The following ST6GALNAC5 variants were observed in gnomAD, a reference collection of about 807,000 sequenced individuals.
ST6GALNAC5 encodes the protein ST6 N-acetylgalactosaminide alpha-2,6-sialyltransferase 5.
In ST6GALNAC5, 27 loss-of-function variants were observed where a neutral mutation model predicts 33.6. The observed-to-expected ratio is 0.80, with a 90% CI of 0.59 to 1.11. The LOEUF is 1.11. Ranked by LOEUF, ST6GALNAC5 falls within the 50% of genes least tolerant of loss-of-function variation. The pLI is 0.00. For missense variants in ST6GALNAC5, 428 were observed against 454.0 expected, an observed-to-expected ratio of 0.94 and a Z score of 0.52; for synonymous variants, 194 against 171.2, an observed-to-expected ratio of 1.13 and a Z score of -1.04.
chr1:76,867,531 C>A lies in ST6GALNAC5; in HGVS notation c.-145C>A. ...CAACAGCCGCGCTTCCCGGGTCCCGCGGCTCCCGCGCGCGATCTGCCGCGG... is the reference window on the plus strand; with the variant it reads ...CAACAGCCGCGCTTCCCGGGTCCCGAGGCTCCCGCGCGCGATCTGCCGCGG... On this transcript the variant is annotated 5_prime_UTR_variant, in exon 1 of 5. Coordinates refer to ENST00000477717, the MANE Select transcript of ST6GALNAC5 (RefSeq NM_030965.3). 7.8e-7 allele frequency: 1 copy of A among 1,279,232 alleles called. No individual in the cohort carries two copies. The highest frequency in any genetic ancestry group is 1.1e-6 in the Non-Finnish European group (1 of 879,296). 79.2% of individuals were successfully genotyped at this position (1,279,232 alleles called of 1,614,324 possible). A position where few individuals can be genotyped will look rare whatever the true frequency, so the allele number is the denominator to read the frequency against.
intron 2 of ST6GALNAC5, among the ~76,000 whole-genome samples, chr1:76,898,282 G>T (rs2100261337): frequency 6.6e-6 from 1 of 152,298 alleles, no homozygotes; most frequent in Admixed American, 6.5e-5. Context: ...GGCAGCTGCG[G>T]TTCAGGCCTT....
intron 2 of ST6GALNAC5, among the ~76,000 whole-genome samples, chr1:76,991,857 A>G (rs1347010940): frequency 6.6e-6 from 1 of 152,112 alleles, no homozygotes; most frequent in African/African-American, 2.4e-5. Context: ...ACACACACAC[A>G]CACACACAGA....
intron 2 of ST6GALNAC5, among the ~76,000 whole-genome samples, chr1:76,954,771 C>T (rs1397318646): frequency 1.3e-5 from 2 of 152,088 alleles, no homozygotes; most frequent in Non-Finnish European, 2.9e-5. Context: ...AATTGGGTGG[C>T]CAGGAAGCTT....
intron 2 of ST6GALNAC5, among the ~76,000 whole-genome samples, chr1:77,016,842 C>T (rs907854862): frequency 3.9e-5 from 6 of 152,198 alleles, no homozygotes; most frequent in Non-Finnish European, 7.3e-5. Context: ...TCTTCAACAA[C>T]TTCTTCAATC....
chr1:76,965,011 T>C (rs1181705698), intron 2 of ST6GALNAC5, among the ~76,000 whole-genome samples: 2 of 152,212 alleles, frequency 1.3e-5, no homozygotes, highest in African/African-American at 4.8e-5. Context: ...CTATCATTGA[T>C]GGAAATTTGG....
chr1:77,044,274 G>T lies in ST6GALNAC5; in HGVS notation c.332G>T (p.Gly111Val), dbSNP rs746207409. The T allele has an allele frequency of 6.2e-7, 1 of 1,613,962 alleles. No homozygotes were observed. ...SSGHLLHSRQ[G>V]SQIDQTECVI... ...GGGCATCTGCTGCACAGTCGGCAAG[G>T]CTCCCAGATTGACCAGACAGAGTGT... is the stretch of plus-strand genomic sequence containing the variant. The change falls in exon 3 of 5, where the codon GGC (glycine) becomes GTC (valine). Residue 111 changes from glycine (G) to valine (V), a missense_variant. Coordinates refer to ENST00000477717, the MANE Select transcript of ST6GALNAC5 (RefSeq NM_030965.3).
At chr1:77,038,000 A>G (rs1365495336) in intron 2 of ST6GALNAC5, among the ~76,000 whole-genome samples, 1 of 152,238 alleles carries the variant, frequency 6.6e-6, no homozygotes, top group Non-Finnish European at 1.5e-5. Context: ...TCTTCGTGTC[A>G]TAGATGAAAA....
In ST6GALNAC5 at chr1:76,920,968, T is replaced by C. The variant is rs540234732; in HGVS notation, c.261+52226T>C. ...CGGTCATGAGAATAGGAAATAGCCATAATGAATGAGAAGTGAACTGCTAAT... is the reference window on the plus strand; with the variant it reads ...CGGTCATGAGAATAGGAAATAGCCACAATGAATGAGAAGTGAACTGCTAAT... On this transcript the variant is annotated intron_variant, in intron 2 of 4. Transcript: ENST00000477717. Among the ~76,000 whole-genome samples the C allele has an allele frequency of 6.2e-4, 95 of 152,296 alleles. 2 individuals carry two copies. Among genetic ancestry groups the C allele is most frequent in the African/African-American group, 2.1e-3 (86 of 41,564 alleles).
intron 2 of ST6GALNAC5, among the ~76,000 whole-genome samples, chr1:76,970,039 C>T (rs1439926486): frequency 6.6e-6 from 1 of 152,036 alleles, no homozygotes; most frequent in African/African-American, 2.4e-5. Flanking sequence ...ACCAAAACCC[C>T]ATCTGTATGT....
At chr1:76,881,089 T>A (rs1653768140) in intron 2 of ST6GALNAC5, among the ~76,000 whole-genome samples, 1 of 152,190 alleles carries the variant, frequency 6.6e-6, no homozygotes, top group Non-Finnish European at 1.5e-5. Context: ...GACAGCTGTG[T>A]AGGGTCTTAA....
At chr1:77,059,767 G>A (rs188340953) in intron 4 of ST6GALNAC5, among the ~76,000 whole-genome samples, 1 of 152,052 alleles carries the variant, frequency 6.6e-6, no homozygotes, top group African/African-American at 2.4e-5. Context: ...TTCTGAGGAT[G>A]GTTTCCTAGT....
At chr1:76,966,990 T>A (rs141605602) in intron 2 of ST6GALNAC5, among the ~76,000 whole-genome samples, 46 of 152,328 alleles carry the variant, frequency 3.0e-4, no homozygotes, top group South Asian at 6.2e-4. Flanking sequence ...GCTGCTGGAT[T>A]CAGATTGCCA....
intron 2 of ST6GALNAC5, among the ~76,000 whole-genome samples, chr1:76,932,862 T>G (rs34701857): frequency 0.32 from 48,819 of 151,928 alleles, 9,605 homozygotes; most frequent in Non-Finnish European, 0.43. Flanking sequence ...GAATTCCATA[T>G]GTAGGAGATA....
At position 77,048,123 on chromosome 1, in the gene ST6GALNAC5, C is replaced by T. The variant is rs143971192; in HGVS notation, c.672-2135C>T. 1.4e-3 allele frequency among the ~76,000 whole-genome samples: 215 copies of T among 152,300 alleles called. 1 individual carries two copies. The highest frequency in any genetic ancestry group is 4.7e-3 in the African/African-American group (194 of 41,576). On this transcript the variant is annotated intron_variant, in intron 3 of 4. Coordinates refer to ENST00000477717, the MANE Select transcript of ST6GALNAC5 (RefSeq NM_030965.3). ...CGTCCTCTACCTTGCATTCTTTTCCCCATTTTACCCACAAAGCCTTTTCCT... is the reference window on the plus strand; with the variant it reads ...CGTCCTCTACCTTGCATTCTTTTCCTCATTTTACCCACAAAGCCTTTTCCT...
At chr1:77,012,378 TC>T (rs1259138663) in intron 2 of ST6GALNAC5, among the ~76,000 whole-genome samples, 1 of 152,190 alleles carries the variant, frequency 6.6e-6, no homozygotes, top group African/African-American at 2.4e-5. Context: ...TCCAGGTTAC[TC>T]CTTGCTCCGG....
At chr1:76,955,509 C>T (rs1028173516) in intron 2 of ST6GALNAC5, among the ~76,000 whole-genome samples, 1 of 152,004 alleles carries the variant, frequency 6.6e-6, no homozygotes, top group Non-Finnish European at 1.5e-5. Context: ...CCACTCATGC[C>T]TTTTTTAACA....
At chr1:77,059,049 T>C (rs1022300965) in intron 4 of ST6GALNAC5, among the ~76,000 whole-genome samples, 13 of 152,258 alleles carry the variant, frequency 8.5e-5, no homozygotes, top group Admixed American at 6.5e-4. Flanking sequence ...TGTTATGATA[T>C]GTATTATTTA....
Position 76,900,778 on chromosome 1 carries a change from C to T in ST6GALNAC5, c.261+32036C>T, listed in dbSNP as rs1026971778. Among the ~76,000 whole-genome samples the T allele has an allele frequency of 1.1e-3, 166 of 152,114 alleles. 1 individual carries two copies. Among genetic ancestry groups the T allele is most frequent in the Non-Finnish European group, 3.8e-4 (26 of 68,006 alleles). On this transcript the variant is annotated intron_variant, in intron 2 of 4. Coordinates refer to ENST00000477717, the MANE Select transcript of ST6GALNAC5 (RefSeq NM_030965.3). ...GTTTCTTGCATGTTTCTTATTTCCTCAGTAATTAAAAAATCATATTTAGAT... is the reference window on the plus strand; with the variant it reads ...GTTTCTTGCATGTTTCTTATTTCCTTAGTAATTAAAAAATCATATTTAGAT...
intron 4 of ST6GALNAC5, among the ~76,000 whole-genome samples, chr1:77,059,194 TA>T (rs1304738150): frequency 6.6e-6 from 1 of 152,226 alleles, no homozygotes; most frequent in African/African-American, 2.4e-5. Context: ...TTATCAAAAG[TA>T]AGAAATTAAC....
Sources: gnomAD v4.1 joint callset for allele counts (sites outside exome capture counted in the v4.1 genomes callset) on GRCh38, gnomAD v4.1.1 for gene constraint, MANE v1.5 for transcripts, NCBI Gene and HGNC (gene_info 2026-07-23, HGNC 2026-07-21) for gene names.